Variants in COL21A1 observed in about 807,000 individuals in gnomAD.
The protein encoded by COL21A1 is collagen alpha-1(XXI) chain.
A neutral mutation model predicts 137.9 loss-of-function variants in COL21A1; 149 were observed. The observed-to-expected ratio is 1.08, with a 90% CI of 0.95 to 1.24. The LOEUF is 1.24. COL21A1 is among the 50% of genes most tolerant of loss of function. COL21A1 has a pLI of 0.00. For synonymous variants in COL21A1, 456 were observed against 391.5 expected (o/e 1.16, Z -1.95); for missense variants, 1,167 against 1,158.4 (o/e 1.01, Z -0.11).
intron 16 of COL21A1, among the ~76,000 whole-genome samples, chr6:56,116,204 T>C (rs1399609304): frequency 1.3e-5 from 2 of 151,938 alleles, no homozygotes; most frequent in African/African-American, 4.8e-5. Context: ...ACCCAAAGAC[T>C]ACCTGAAGAC....
At chr6:56,198,637 T>C (rs1779188151) in intron 1 of COL21A1, among the ~76,000 whole-genome samples, 1 of 152,042 alleles carries the variant, frequency 6.6e-6, no homozygotes, top group Non-Finnish European at 1.5e-5. Flanking sequence ...AAACAAAAAG[T>C]ATTTTATATT....
At chr6:56,104,669 A>G (rs2152174315) in intron 16 of COL21A1, among the ~76,000 whole-genome samples, 1 of 151,234 alleles carries the variant, frequency 6.6e-6, no homozygotes, top group African/African-American at 2.5e-5. Context: ...CCTTCTTGAT[A>G]TAACATAATT....
chr6:56,266,945 G>A (rs925173481), intron 1 of COL21A1, among the ~76,000 whole-genome samples: 8 of 151,998 alleles, frequency 5.3e-5, no homozygotes, highest in East Asian at 1.9e-4. Context: ...CAAACAGCTC[G>A]GGCAGAATGT....
chr6:56,267,870 T>A (rs916755388), intron 1 of COL21A1, among the ~76,000 whole-genome samples: 1 of 151,914 alleles, frequency 6.6e-6, no homozygotes, highest in African/African-American at 2.4e-5. Flanking sequence ...GAAAGCACCA[T>A]TCCCACTGAA....
At chr6:56,379,473 G>A (rs2094005250) in intron 1 of COL21A1, among the ~76,000 whole-genome samples, 1 of 152,164 alleles carries the variant, frequency 6.6e-6, no homozygotes, top group Admixed American at 6.5e-5. Flanking sequence ...CCCAGGGCAG[G>A]AATGCTTGGT....
chr6:56,085,856 T>A (rs983353546), intron 17 of COL21A1, among the ~76,000 whole-genome samples: 2 of 150,862 alleles, frequency 1.3e-5, no homozygotes, highest in Admixed American at 6.6e-5. Flanking sequence ...TATATATTTT[T>A]TTCAAGAGAT....
chr6:56,266,698 A>G (rs145029736), intron 1 of COL21A1, among the ~76,000 whole-genome samples: 21 of 152,350 alleles, frequency 1.4e-4, no homozygotes, highest in African/African-American at 4.6e-4. Flanking sequence ...ACAGACAGAT[A>G]AACTCTCCAC....
At chr6:56,266,481 T>C (rs1415056826) in intron 1 of COL21A1, among the ~76,000 whole-genome samples, 1 of 152,218 alleles carries the variant, frequency 6.6e-6, no homozygotes, top group Admixed American at 6.5e-5. Context: ...AGAGACTGCA[T>C]GGGAACAGAG....
At chr6:56,390,793 C>T (rs983412888) in intron 1 of COL21A1, among the ~76,000 whole-genome samples, 5 of 152,050 alleles carry the variant, frequency 3.3e-5, no homozygotes, top group Non-Finnish European at 7.4e-5. Flanking sequence ...AACATATATG[C>T]ACCCAATACT....
chr6:56,224,312 T>G (rs1354691364), intron 1 of COL21A1, among the ~76,000 whole-genome samples: 1 of 152,102 alleles, frequency 6.6e-6, no homozygotes, highest in Non-Finnish European at 1.5e-5. Flanking sequence ...TAGGGTAAAA[T>G]CTCAGGCTCA....
chr6:56,215,325 T>G (rs1780415139), intron 1 of COL21A1, among the ~76,000 whole-genome samples: 1 of 152,056 alleles, frequency 6.6e-6, no homozygotes, highest in Non-Finnish European at 1.5e-5. Flanking sequence ...AAGACTGATG[T>G]AGGAAACCTT....
chr6:56,234,920 A>ATCT (rs34821153), intron 1 of COL21A1, among the ~76,000 whole-genome samples: 86,091 of 151,114 alleles, frequency 0.57, 24,732 homozygotes, highest in East Asian at 0.77. Flanking sequence ...AAAACACAAC[A>ATCT]TCTTCCCCTG....
At chr6:56,261,172 A>G (rs886679091) in intron 1 of COL21A1, among the ~76,000 whole-genome samples, 1 of 150,504 alleles carries the variant, frequency 6.6e-6, no homozygotes, top group African/African-American at 2.5e-5. Context: ...CCTCTCCCTC[A>G]CTCTGCTTTG....
Position 56,164,452 on chromosome 6 carries a change from G to A in COL21A1, c.1342C>T (p.Pro448Ser). The A allele has an allele frequency of 6.3e-7, 1 of 1,589,672 alleles. No homozygotes were observed. Among genetic ancestry groups the A allele is most frequent in the Non-Finnish European group, 8.6e-7 (1 of 1,166,976 alleles). Residue 448 changes from proline (P) to serine (S), a missense_variant, in exon 9 of 30, where the codon CCG becomes TCG. Pro to Ser is a moderately conservative substitution (Grantham distance 74, BLOSUM62 -1). Transcript: ENST00000244728. ...GGGCCTTGAAGTCCTGGTTTTCCCG[G>A]AGGACAAATACAGGGAGCTGGAGTT... ...GSTPAPCICP[P>S]GKPGLQGPKG... is the part of the protein sequence containing the mutation.
chr6:56,384,912 C>G (rs1436292284), intron 1 of COL21A1, among the ~76,000 whole-genome samples: 1 of 152,118 alleles, frequency 6.6e-6, no homozygotes, highest in Non-Finnish European at 1.5e-5. Flanking sequence ...TCCAGGAGAA[C>G]ATAATCAGCA....
At chr6:56,124,937 G>T (rs751825192) in intron 14 of COL21A1, among the ~76,000 whole-genome samples, 2 of 150,480 alleles carry the variant, frequency 1.3e-5, no homozygotes. Context: ...GAGCCACCGC[G>T]CCCGGCCTTC....
At chr6:56,385,939 A>T (rs2094017151) in intron 1 of COL21A1, among the ~76,000 whole-genome samples, 1 of 146,586 alleles carries the variant, frequency 6.8e-6, no homozygotes, top group South Asian at 2.1e-4. Context: ...CGCTCTTGTC[A>T]CCTAGGCTGG....
chr6:56,196,751 G>A (rs1459637695), intron 1 of COL21A1, among the ~76,000 whole-genome samples: 1 of 151,960 alleles, frequency 6.6e-6, no homozygotes, highest in East Asian at 1.9e-4. Flanking sequence ...TAAATGGAAA[G>A]ATATCCATGT....
At chr6:56,114,006 G>A (rs1379472536) in intron 16 of COL21A1, among the ~76,000 whole-genome samples, 2 of 152,190 alleles carry the variant, frequency 1.3e-5, no homozygotes, top group Non-Finnish European at 1.5e-5. Context: ...AAGTGAGAAG[G>A]ACTGCGTCTT....
Sources: allele counts gnomAD v4.1 joint callset (sites outside exome capture counted in the v4.1 genomes callset), GRCh38; gene constraint gnomAD v4.1.1; transcripts MANE v1.5; gene names NCBI Gene and HGNC (gene_info 2026-07-23, HGNC 2026-07-21).